CAMTA2: variants seen among roughly 807,000 people sequenced by gnomAD.
The protein encoded by CAMTA2 is calmodulin-binding transcription activator 2.
CAMTA2 carries 56 observed loss-of-function variants against 135.7 expected under a neutral mutation model. The observed-to-expected ratio is 0.41, with a 90% confidence interval of 0.33 to 0.52. CAMTA2 has a LOEUF of 0.52. Among genes scored for constraint, CAMTA2 ranks in the 20% least tolerant of loss-of-function variants. CAMTA2 has a pLI of 0.16. For synonymous variants in CAMTA2, 591 were observed against 604.6 expected, an observed-to-expected ratio of 0.98 and a Z score of 0.33; for missense variants, 1,358 against 1,553.4, an observed-to-expected ratio of 0.87 and a Z score of 2.11.
In CAMTA2 at chr17:4,971,936, G is replaced by A. The variant is rs62073646; in HGVS notation, c.2808+296C>T. Among the ~76,000 whole-genome samples the A allele has an allele frequency of 1.9e-4, 29 of 152,132 alleles. No homozygotes were observed. Among genetic ancestry groups the A allele is most frequent in the Non-Finnish European group, 3.8e-4 (26 of 67,966 alleles). ...ACTCCTGGCCTGAAGTGATCCACCC[G>A]CCCTGGCCACCCAAAGTGCTGGGAT... On this transcript the variant is annotated intron_variant, in intron 16 of 22. Coordinates refer to ENST00000348066, the MANE Select transcript of CAMTA2 (RefSeq NM_015099.4).
chr17:4,970,223 T>C, intron 17 of CAMTA2, 117 bp downstream of exon 17: 4 of 1,418,078 alleles, frequency 2.8e-6, no homozygotes, highest in Non-Finnish European at 3.9e-6. Flanking sequence ...TTCAGTTCGC[T>C]TCTCCAAGGC....
In CAMTA2 at chr17:4,969,161, A is replaced by C; in HGVS notation, c.3459T>G (p.Pro1153=). ...GGGCTGGGCCCTACTTGTTGCGGGC[A>C]GGCAGGGTGGCCGAAGTCCGGTGGG... ...GPPHRTSATL[P]ARNKGSFLTK... The change falls in exon 21 of 23, where the codon CCT becomes CCG. Residue 1153 remains proline, a synonymous_variant. Transcript: ENST00000348066. The surrounding 1 kb of genome is among the most constrained non-coding windows in gnomAD (Gnocchi z 5.6). 6.2e-7 allele frequency: 1 copy of C among 1,607,526 alleles called. No individual in the cohort carries two copies. The highest frequency in any genetic ancestry group is 1.7e-5 in the Admixed American group (1 of 59,562).
intron 6 of CAMTA2, 99 bp downstream of exon 6, chr17:4,981,990 C>T: frequency 1.6e-6 from 2 of 1,289,180 alleles, no homozygotes; most frequent in South Asian, 1.2e-5. Flanking sequence ...GGCTCCTTTC[C>T]TCACTCAGAA....
rs1004931906 is a variant in CAMTA2 at position 4,981,267 on chromosome 17, G to C, written c.658C>G (p.Pro220Ala). 1.2e-5 allele frequency: 20 copies of C among 1,614,010 alleles called. No individual in the cohort carries two copies. The highest frequency in any genetic ancestry group is 2.2e-5 in the East Asian group (1 of 44,894). The change falls in exon 8 of 23, where the codon CCT becomes GCT. Residue 220 changes from proline to alanine, a missense_variant. By Grantham distance (27) the Pro-to-Ala change is conservative. Coordinates refer to ENST00000348066, the MANE Select transcript of CAMTA2 (RefSeq NM_015099.4). Reference protein sequence around the residue: ...QQILDTHPTKPAPRTHACLCS... With the variant: ...QQILDTHPTKAAPRTHACLCS... Reference sequence around the variant, plus strand: ...AGACAGGCGTGGGTTCGGGGAGCAGGCTTGGTTGGGTGGGTGTCCAAAATC... The same window carrying C: ...AGACAGGCGTGGGTTCGGGGAGCAGCCTTGGTTGGGTGGGTGTCCAAAATC...
At chr17:4,986,004 G>T (rs774634934) in intron 2 of CAMTA2, 21 bp from the exon 3 acceptor site, 1 of 1,558,470 alleles carries the variant, frequency 6.4e-7, no homozygotes, top group Non-Finnish European at 8.9e-7. Context: ...TTAGAAGGGA[G>T]GGTTTAGTGT....
chr17:4,975,710 G>T (rs573223193), intron 11 of CAMTA2, among the ~76,000 whole-genome samples: 55 of 152,116 alleles, frequency 3.6e-4, no homozygotes, highest in Non-Finnish European at 7.1e-4. Flanking sequence ...AAGGACAGAG[G>T]GAGACTAAGA....
At chr17:4,987,464 A>G in intron 1 of CAMTA2, 129 bp downstream of exon 1, 2 of 1,381,806 alleles carry the variant, frequency 1.4e-6, no homozygotes, top group Non-Finnish European at 1.9e-6. Flanking sequence ...AGGAGGACGG[A>G]AGCGGGAGGT....
rs376750313 is a variant in CAMTA2, at chr17:4,973,653, G to A, written c.2133C>T (p.Gly711=). The A allele has an allele frequency of 6.2e-7, 1 of 1,614,178 alleles. No individual in the cohort carries two copies. Among genetic ancestry groups the A allele is most frequent in the South Asian group, 1.1e-5 (1 of 91,086 alleles). ...CAGCAGCCAGGTGCAGAAGGCTCAT[G>A]CCCCGGAAGGGGCTTCCATGGGCCA... The part of the protein sequence containing the change: ...ERLAHGSPFR[G]MSLLHLAAAQ... Residue 711 remains glycine, a synonymous_variant, in exon 13 of 23, where the codon GGC becomes GGT. Transcript: ENST00000348066.
chr17:4,972,891 A>G lies in CAMTA2; in HGVS notation c.2381T>C (p.Leu794Ser), dbSNP rs774105772. ...ATGACCCCGGGAATGAGCCACAGAC[A>G]ATGGCAGACGGCCCAGAGAGTCGGG... Reference protein sequence around the residue: ...SIPDSLGRLPLSVAHSRGHVR... With the variant: ...SIPDSLGRLPSSVAHSRGHVR... Residue 794 changes from leucine to serine, a missense_variant, in exon 15 of 23, where the codon TTG becomes TCG. Coordinates refer to ENST00000348066, the MANE Select transcript of CAMTA2 (RefSeq NM_015099.4). The G allele has an allele frequency of 5.0e-6, 8 of 1,613,922 alleles. No individual in the cohort carries two copies. Among genetic ancestry groups the G allele is most frequent in the Non-Finnish European group, 1.7e-6 (2 of 1,180,004 alleles).
intron 1 of CAMTA2, 163 bp downstream of exon 1, chr17:4,987,430 G>C: frequency 7.2e-7 from 1 of 1,384,726 alleles, no homozygotes. Flanking sequence ...GCCCTGCGGT[G>C]AGCGGCGCCC....
In CAMTA2 at chr17:4,980,399, C is replaced by A. The variant is rs770917659; in HGVS notation, c.923G>T (p.Arg308Ile). The A allele has an allele frequency of 2.5e-6, 4 of 1,613,646 alleles. No homozygotes were observed. The South Asian group carries it at 4.4e-5, about 18-fold the overall frequency. ...CCCTCGAGAAGTGGGAGGGCTAGGT[C>A]TGATTTCTAGGGGCTCTGCAAAACC... Reference protein sequence around the residue: ...SSGFAEPLEIRPSPPTSRGGS... With the variant: ...SSGFAEPLEIIPSPPTSRGGS... The change falls in exon 9 of 23, where the codon AGA becomes ATA. Residue 308 changes from arginine (R) to isoleucine (I), a missense_variant. Transcript: ENST00000348066. This position sits in a 1 kb window ranked among gnomAD's most constrained non-coding sequence, Gnocchi z 5.3.
chr17:4,971,084 G>C (rs1331350972), intron 16 of CAMTA2, among the ~76,000 whole-genome samples: 1 of 152,186 alleles, frequency 6.6e-6, no homozygotes, highest in Admixed American at 6.5e-5. Flanking sequence ...TACTCCATTA[G>C]TCTCTCTAAA....
At chr17:4,986,875 C>G (rs1313474831) in intron 1 of CAMTA2, 2 of 1,203,308 alleles carry the variant, frequency 1.7e-6, no homozygotes, top group Admixed American at 4.0e-5. Flanking sequence ...GACAACCCAC[C>G]CTCCGGCTGA....
chr17:4,978,516 A>T lies in CAMTA2; in HGVS notation c.1753T>A (p.Cys585Ser). 6.2e-7 allele frequency: 1 copy of T among 1,614,060 alleles called. No individual in the cohort carries two copies. The highest frequency in any genetic ancestry group is 8.5e-7 in the Non-Finnish European group (1 of 1,179,952). ...CCAATCCTCATACCGGGACAGTAGC[A>T]GCGTAAGACACCAGGCTGGACAAGT... ...ASLVQPGVLRCYCPAHEVGLV... is the reference protein window; with the variant it reads ...ASLVQPGVLRSYCPAHEVGLV... Residue 585 changes from cysteine (C) to serine (S), a missense_variant, in exon 10 of 23, where the codon TGC (cysteine) becomes AGC (serine). Coordinates refer to ENST00000348066, the MANE Select transcript of CAMTA2 (RefSeq NM_015099.4).
chr17:4,986,088 A>T, intron 2 of CAMTA2, 104 bp downstream of exon 2: 1 of 1,111,610 alleles, frequency 9.0e-7, no homozygotes, highest in Non-Finnish European at 1.4e-6. Context: ...GGGAAAACTG[A>T]AACCTCACTA....
chr17:4,983,363 A>C, intron 3 of CAMTA2: 1 of 226,076 alleles, frequency 4.4e-6, no homozygotes, highest in Non-Finnish European at 8.9e-6. Flanking sequence ...GCTCACTGCA[A>C]CCTCTGCCTC....
Position 4,983,531 on chromosome 17 carries a change from C to T in CAMTA2, c.136-488G>A, listed in dbSNP as rs1041541724. Among the ~76,000 whole-genome samples the T allele has an allele frequency of 3.3e-5, 5 of 151,368 alleles. No individual in the cohort carries two copies. In the South Asian group the frequency reaches 1.0e-3, roughly 31 times the overall value. ...AACTCCTGACCTCAGGTGATCCACC[C>T]GCCTTGGCCTCCCAAAGTGCTGGGA... On this transcript the variant is annotated intron_variant, in intron 3 of 22. Transcript: ENST00000348066.
At chr17:4,987,015 TGGCG>T (rs1973384284) in intron 1 of CAMTA2, 1 of 1,433,116 alleles carries the variant, frequency 7.0e-7, no homozygotes, top group Admixed American at 3.0e-5. Context: ...AGATGGGAGC[TGGCG>T]GAGGCTCTCA....
At chr17:4,985,804 C>G in intron 3 of CAMTA2, 76 bp downstream of exon 3, 2 of 891,378 alleles carry the variant, frequency 2.2e-6, no homozygotes, top group Non-Finnish European at 3.8e-6. Context: ...TTGACAGACA[C>G]GGAAAGACCC....
Sources: gnomAD v4.1 joint callset for allele counts (sites outside exome capture counted in the v4.1 genomes callset) on GRCh38, gnomAD v4.1.1 for gene constraint, Gnocchi (gnomAD v3.1) non-coding constraint, MANE v1.5 for transcripts, NCBI Gene and HGNC (gene_info 2026-07-23, HGNC 2026-07-21) for gene names.